The following TMEM132C variants were observed in gnomAD, a reference collection of about 807,000 sequenced individuals.
TMEM132C encodes protein phosphatase 1, regulatory subunit 152.
In TMEM132C, 29 loss-of-function variants were observed where a neutral mutation model predicts 61.4. The observed-to-expected ratio is 0.47, with a 90% confidence interval of 0.35 to 0.64. The LOEUF (loss-of-function observed/expected upper bound fraction) is 0.64. Among genes scored for constraint, TMEM132C ranks in the 30% least tolerant of loss-of-function variants. TMEM132C has a pLI of 0.00. For missense variants in TMEM132C, 1,408 were observed against 1,476.9 expected (o/e 0.95, Z 0.76); for synonymous variants, 656 against 633.1 (o/e 1.04, Z -0.54).
At chr12:128,392,232 C>T (rs992294932) in intron 1 of TMEM132C, among the ~76,000 whole-genome samples, 3 of 152,210 alleles carry the variant, frequency 2.0e-5, no homozygotes, top group Non-Finnish European at 2.9e-5. Context: ...ACTGCCACTT[C>T]ATTCATCAAG....
chr12:128,318,491 G>T (rs1391641987), intron 1 of TMEM132C, among the ~76,000 whole-genome samples: 1 of 152,080 alleles, frequency 6.6e-6, no homozygotes, highest in Non-Finnish European at 1.5e-5. Flanking sequence ...GAACAACAGG[G>T]GTCATTATGT....
chr12:128,677,210 T>C (rs1397465069), intron 5 of TMEM132C, among the ~76,000 whole-genome samples: 1 of 152,168 alleles, frequency 6.6e-6, no homozygotes, highest in East Asian at 1.9e-4. Flanking sequence ...AGTGGTTTTC[T>C]TAGTGTGGTG....
intron 4 of TMEM132C, among the ~76,000 whole-genome samples, chr12:128,663,443 G>A (rs1318168202): frequency 1.3e-5 from 2 of 152,164 alleles, no homozygotes; most frequent in Admixed American, 6.5e-5. Flanking sequence ...ATAGTCTTCC[G>A]TTGTGTGGAT....
chr12:128,416,286 CT>C (rs1468946553), intron 2 of TMEM132C, among the ~76,000 whole-genome samples: 1 of 152,190 alleles, frequency 6.6e-6, no homozygotes, highest in East Asian at 1.9e-4. Flanking sequence ...GACAGGGCTG[CT>C]CTGTCACTCT....
intron 1 of TMEM132C, among the ~76,000 whole-genome samples, chr12:128,291,888 G>T (rs750721318): frequency 6.6e-6 from 1 of 152,206 alleles, no homozygotes; most frequent in African/African-American, 2.4e-5. Context: ...TGGACTGCCT[G>T]CAGTGATGGC....
intron 4 of TMEM132C, among the ~76,000 whole-genome samples, chr12:128,639,177 ATGG>A (rs1954132410): frequency 7.7e-6 from 1 of 129,448 alleles, no homozygotes; most frequent in African/African-American, 2.7e-5. Context: ...GATGGTGATG[ATGG>A]TGGTGATGGT....
At chr12:128,409,474 C>T (rs972945471) in intron 1 of TMEM132C, among the ~76,000 whole-genome samples, 1 of 152,162 alleles carries the variant, frequency 6.6e-6, no homozygotes, top group Non-Finnish European at 1.5e-5. Flanking sequence ...CTGTAAGTCA[C>T]CTCCTCCCAT....
intron 3 of TMEM132C, among the ~76,000 whole-genome samples, chr12:128,610,347 C>A (rs1221468441): frequency 3.3e-5 from 5 of 152,140 alleles, no homozygotes; most frequent in African/African-American, 1.2e-4. Context: ...GAGGTAAAGC[C>A]CTTTTGGCTT....
intron 5 of TMEM132C, among the ~76,000 whole-genome samples, chr12:128,681,802 C>T (rs1453443557): frequency 4.7e-5 from 7 of 147,794 alleles, no homozygotes; most frequent in East Asian, 4.0e-4. Flanking sequence ...TACAGGTGAG[C>T]GCTACCACGC....
intron 1 of TMEM132C, among the ~76,000 whole-genome samples, chr12:128,391,026 C>T (rs7313291): frequency 0.15 from 23,277 of 152,130 alleles, 1,937 homozygotes; most frequent in East Asian, 0.22. Flanking sequence ...GATGCCTTAA[C>T]GCTGCGGTTC....
chr12:128,499,553 C>G (rs1383134477), intron 2 of TMEM132C, among the ~76,000 whole-genome samples: 1 of 152,140 alleles, frequency 6.6e-6, no homozygotes, highest in Admixed American at 6.5e-5. Context: ...TCCCGACTAC[C>G]CTTCTTAGCC....
chr12:128,692,709 C>A (rs1694258704), intron 5 of TMEM132C, among the ~76,000 whole-genome samples: 1 of 152,208 alleles, frequency 6.6e-6, no homozygotes. Context: ...GTCCACATTG[C>A]CCCTTCCTGC....
Position 128,476,682 on chromosome 12 carries a change from C to A in TMEM132C, c.974+61062C>A, listed in dbSNP as rs895337322. On this transcript the variant is annotated intron_variant, in intron 2 of 8. Transcript: ENST00000435159. ...GGAGCCTAGTGTTTCCCAGCCTCAGCTGCACAGTACAAGCAGTCATTTAGG... is the reference window on the plus strand; with the variant it reads ...GGAGCCTAGTGTTTCCCAGCCTCAGATGCACAGTACAAGCAGTCATTTAGG... Among the ~76,000 whole-genome samples the A allele has an allele frequency of 3.3e-5, 5 of 151,546 alleles. No individual in the cohort carries two copies. The South Asian group carries it at 6.2e-4, about 19-fold the overall frequency.
chr12:128,655,864 T>A (rs1252426256), intron 4 of TMEM132C, among the ~76,000 whole-genome samples: 2 of 152,140 alleles, frequency 1.3e-5, no homozygotes, highest in African/African-American at 2.4e-5. Context: ...ATCTCAAGCA[T>A]AAAAAGAAAT....
rs1252132757 is a variant in TMEM132C, at chr12:128,706,374, A to G, written c.*79A>G. ...CCCAAGTGGGGCAGAAGGCGTTGTC[A>G]GTGGGGTTAAGAAGGGACGGTCCCA... On this transcript the variant is annotated 3_prime_UTR_variant, in exon 9 of 9. Transcript: ENST00000435159. 9 of 1,437,852 alleles carry G rather than the reference A, an allele frequency of 6.3e-6. No individual in the cohort carries two copies. Among genetic ancestry groups the G allele is most frequent in the East Asian group, 2.5e-5 (1 of 40,044 alleles). The allele number at this position is 1,437,852 out of a possible 1,614,324, so 89.1% of individuals were successfully genotyped here.
intron 2 of TMEM132C, among the ~76,000 whole-genome samples, chr12:128,499,284 C>T (rs11059721): frequency 0.09 from 13,751 of 152,038 alleles, 722 homozygotes; most frequent in Middle Eastern, 0.13. Context: ...ATTCTGGATA[C>T]GCAATAGTGT....
chr12:128,466,914 A>C lies in TMEM132C; in HGVS notation c.974+51294A>C, dbSNP rs1023015846. On this transcript the variant is annotated intron_variant, in intron 2 of 8. Coordinates refer to ENST00000435159, the MANE Select transcript of TMEM132C (RefSeq NM_001136103.3). The stretch of plus-strand genomic sequence containing the variant: ...CATAGGGGAAGAGATAAAGCTGCAA[A>C]TGTGCTGAGGGGAGGTATTTCTTCA... Among the ~76,000 whole-genome samples the C allele has an allele frequency of 1.3e-4, 20 of 152,298 alleles. No individual in the cohort carries two copies. The East Asian group carries it at 3.9e-3, about 29-fold the overall frequency.
At chr12:128,672,184 C>G (rs1954538973) in intron 5 of TMEM132C, among the ~76,000 whole-genome samples, 1 of 151,808 alleles carries the variant, frequency 6.6e-6, no homozygotes, top group African/African-American at 2.4e-5. Flanking sequence ...ACTAACAGCA[C>G]ACTGAAATCG....
chr12:128,638,878 GTGA>G (rs1384747337), intron 4 of TMEM132C, among the ~76,000 whole-genome samples: 11 of 109,752 alleles, frequency 1.0e-4, no homozygotes, highest in African/African-American at 1.4e-4. Flanking sequence ...GAGGAGAATG[GTGA>G]TGATGGTGGT....
Sources: gnomAD v4.1 joint callset for allele counts (sites outside exome capture counted in the v4.1 genomes callset) on GRCh38, gnomAD v4.1.1 for gene constraint, MANE v1.5 for transcripts, NCBI Gene and HGNC (gene_info 2026-07-23, HGNC 2026-07-21) for gene names.